The following BSDC1 variants were observed in gnomAD, a reference collection of about 807,000 sequenced individuals.
The protein encoded by BSDC1 is BSD domain-containing protein 1.
BSDC1 carries 29 observed loss-of-function variants against 56.0 expected under a neutral mutation model. That is an observed-to-expected ratio of 0.52 (90% CI 0.39 to 0.71). BSDC1 has a LOEUF of 0.71. BSDC1 is among the 30% of genes least tolerant of loss of function. The probability of loss-of-function intolerance (pLI) is 0.00; values close to 1 mark genes in which losing one functional copy is unlikely to be tolerated. For missense variants in BSDC1, 477 were observed against 548.5 expected (o/e 0.87, Z 1.30); for synonymous variants, 210 against 215.3 (o/e 0.98, Z 0.21).
chr1:32,381,402 G>T, intron 4 of BSDC1, 134 bp from the exon 5 acceptor site: 1 of 850,066 alleles, frequency 1.2e-6, no homozygotes, highest in Non-Finnish European at 1.9e-6. Context: ...CAGGGCATCT[G>T]TTAATTAGCA....
In BSDC1 at chr1:32,378,828, A is replaced by G. The variant is rs1358058363; in HGVS notation, c.424T>C (p.Leu142=). Residue 142 remains leucine, a synonymous_variant, in exon 6 of 11, where the codon TTG becomes CTG. Transcript: ENST00000455895. This position sits in a 1 kb window ranked among gnomAD's most constrained non-coding sequence, Gnocchi z 5.2. ...YCNEPDGPPE[L]FDAWLSQFCL... Reference sequence around the variant, plus strand: ...AACTGGGAAAGCCAGGCGTCAAACAATTCCGGGGGCCCTGCAGAGGGACAG... The same window carrying G: ...AACTGGGAAAGCCAGGCGTCAAACAGTTCCGGGGGCCCTGCAGAGGGACAG... 6.6e-7 allele frequency: 1 copy of G among 1,521,436 alleles called. No individual in the cohort carries two copies. Among genetic ancestry groups the G allele is most frequent in the Non-Finnish European group, 8.8e-7 (1 of 1,132,830 alleles). 94.2% of individuals were successfully genotyped at this position (1,521,436 alleles called of 1,614,324 possible). A position where few individuals can be genotyped will look rare whatever the true frequency, so the allele number is the denominator to read the frequency against.
chr1:32,366,527 T>G lies in BSDC1; in HGVS notation c.*95A>C. 5 of 1,204,666 alleles carry G rather than the reference T, an allele frequency of 4.2e-6. No individual in the cohort carries two copies. Among genetic ancestry groups the G allele is most frequent in the Non-Finnish European group, 6.0e-6 (5 of 830,438 alleles). The allele number at this position is 1,204,666 out of a possible 1,614,324, so 74.6% of individuals were successfully genotyped here. On this transcript the variant is annotated 3_prime_UTR_variant, in exon 11 of 11. Coordinates refer to ENST00000455895, the MANE Select transcript of BSDC1 (RefSeq NM_018045.8). ...CCAGAGCTCTGGTTGGCAGAGGAGA[T>G]TTGGGGGAACATTCTCAGTCTTCCA...
Position 32,376,373 on chromosome 1 carries a change from T to C in BSDC1, c.1045A>G (p.Arg349Gly). 6.2e-7 allele frequency: 1 copy of C among 1,613,728 alleles called. No homozygotes were observed. The highest frequency in any genetic ancestry group is 8.5e-7 in the Non-Finnish European group (1 of 1,179,694). Residue 349 changes from arginine to glycine, a missense_variant, in exon 9 of 11, where the codon AGG (arginine) becomes GGG (glycine). Transcript: ENST00000455895. ...AGAGTCTCTACTCTGGCTGGAGGCC[T>C]GGGCTCTGGGCCGCCGGTGTGGCCA... ...PAGHTGGPEP[R>G]PPARVETLRE...
chr1:32,388,192 C>T (rs1166934895), intron 2 of BSDC1, among the ~76,000 whole-genome samples: 1 of 152,082 alleles, frequency 6.6e-6, no homozygotes, highest in African/African-American at 2.4e-5. Flanking sequence ...TTTTTGAGCG[C>T]TCCTGTGGTT....
Position 32,366,215 on chromosome 1 carries a change from G to C in BSDC1, c.*407C>G. 1 of 348,620 alleles carries C rather than the reference G, an allele frequency of 2.9e-6. No homozygotes were observed. The highest frequency in any genetic ancestry group is 5.6e-6 in the Non-Finnish European group (1 of 179,034). 21.6% of individuals were successfully genotyped at this position (348,620 alleles called of 1,614,324 possible). A position where few individuals can be genotyped will look rare whatever the true frequency, so the allele number is the denominator to read the frequency against. The stretch of plus-strand genomic sequence containing the variant: ...CTCCCTGCCTGCTTATGTATGGACA[G>C]AGTATGTTGTCTCAGCTTCCTCCGA... On this transcript the variant is annotated 3_prime_UTR_variant, in exon 11 of 11. Transcript: ENST00000455895.
At position 32,392,495 on chromosome 1, in the gene BSDC1, T is replaced by C. The variant is rs909732378; in HGVS notation, c.72+1585A>G. ...GAATTCCAAGAATGAAGACGGAAGG[T>C]TGGCCAACTATCTATTTTTCATAAG... On this transcript the variant is annotated intron_variant, in intron 2 of 10. Coordinates refer to ENST00000455895, the MANE Select transcript of BSDC1 (RefSeq NM_018045.8). Among the ~76,000 whole-genome samples, 7 of 150,158 alleles carry C rather than the reference T, an allele frequency of 4.7e-5. No homozygotes were observed. The East Asian group carries it at 1.4e-3, about 29-fold the overall frequency.
chr1:32,367,620 T>C, intron 10 of BSDC1: 1 of 985,510 alleles, frequency 1.0e-6, no homozygotes, highest in African/African-American at 1.7e-5. Flanking sequence ...GCCTCAGTCC[T>C]GTCACTTATT....
At chr1:32,374,337 C>CA (rs1642200674) in intron 9 of BSDC1, among the ~76,000 whole-genome samples, 1 of 152,182 alleles carries the variant, frequency 6.6e-6, no homozygotes, top group South Asian at 2.1e-4. Flanking sequence ...TATGGAGGAG[C>CA]AAACAAAGGC....
chr1:32,371,562 G>A (rs940079997), intron 9 of BSDC1, among the ~76,000 whole-genome samples: 8 of 151,814 alleles, frequency 5.3e-5, no homozygotes, highest in Admixed American at 1.3e-4. Flanking sequence ...TGCCCGCCTC[G>A]GCTTCCCAAA....
At position 32,369,535 on chromosome 1, in the gene BSDC1, C is replaced by A. The variant is rs551690619; in HGVS notation, c.1157-985G>T. Among the ~76,000 whole-genome samples the A allele has an allele frequency of 3.3e-5, 5 of 152,172 alleles. No individual in the cohort carries two copies. In the South Asian group the frequency reaches 6.2e-4, roughly 19 times the overall value. On this transcript the variant is annotated intron_variant, in intron 9 of 10. Coordinates refer to ENST00000455895, the MANE Select transcript of BSDC1 (RefSeq NM_018045.8). ...AAGAAAACAAAAACCTCCCCTCGGA[C>A]CCCCAAACAGTAGACCTCTTCTTCC...
intron 2 of BSDC1, chr1:32,393,633 C>T (rs1047627845): frequency 1.2e-5 from 2 of 166,344 alleles, no homozygotes; most frequent in African/African-American, 4.8e-5. Flanking sequence ...TTGTAAGGCC[C>T]AGGATTACAT....
rs778500629 is a variant in BSDC1, at chr1:32,394,098, G to A, written c.54C>T (p.Tyr18=). ...GGCTTACCTTCTCTTTGACTGCTTGGTAGCTCTGCTGCAGCCAGCTCCGCC... is the reference window on the plus strand; with the variant it reads ...GGCTTACCTTCTCTTTGACTGCTTGATAGCTCTGCTGCAGCCAGCTCCGCC... ...GWWRSWLQQS[Y]QAVKEKSSEA... Residue 18 remains tyrosine, a synonymous_variant, in exon 2 of 11, where the codon TAC becomes TAT. Coordinates refer to ENST00000455895, the MANE Select transcript of BSDC1 (RefSeq NM_018045.8). 6.2e-7 allele frequency: 1 copy of A among 1,610,276 alleles called. No homozygotes were observed. The highest frequency in any genetic ancestry group is 8.5e-7 in the Non-Finnish European group (1 of 1,178,526).
chr1:32,373,387 AC>A (rs1389400093), intron 9 of BSDC1, among the ~76,000 whole-genome samples: 2 of 152,052 alleles, frequency 1.3e-5, no homozygotes, highest in South Asian at 2.1e-4. Flanking sequence ...TTTTCTGATC[AC>A]CCTTTGTAGC....
intron 9 of BSDC1, among the ~76,000 whole-genome samples, chr1:32,371,617 T>C (rs927852800): frequency 6.8e-6 from 1 of 147,392 alleles, no homozygotes; most frequent in Non-Finnish European, 1.5e-5. Flanking sequence ...GCCTGTAGTC[T>C]TTTTTTTTAA....
chr1:32,379,696 T>A (rs1378914747), intron 5 of BSDC1, among the ~76,000 whole-genome samples: 1 of 152,196 alleles, frequency 6.6e-6, no homozygotes, highest in Non-Finnish European at 1.5e-5. Flanking sequence ...GCCCAAGTGA[T>A]CCTCCTGCCT....
intron 9 of BSDC1, chr1:32,369,180 T>G: frequency 9.9e-7 from 1 of 1,007,584 alleles, no homozygotes; most frequent in Non-Finnish European, 1.4e-6. Context: ...TGTTAGAGGT[T>G]AGGCTGGAGA....
At chr1:32,380,196 G>A (rs570265270) in intron 5 of BSDC1, among the ~76,000 whole-genome samples, 69 of 152,270 alleles carry the variant, frequency 4.5e-4, no homozygotes, top group African/African-American at 1.5e-3. Context: ...TGGCTCCCAC[G>A]AGCTGCTCTC....
rs1369772768 is a variant in BSDC1 at position 32,364,907 on chromosome 1, C to G, written c.*1715G>C. Among the ~76,000 whole-genome samples, 2 of 152,358 alleles carry G rather than the reference C, an allele frequency of 1.3e-5. No individual in the cohort carries two copies. Among genetic ancestry groups the G allele is most frequent in the Admixed American group, 1.3e-4 (2 of 15,308 alleles). On this transcript the variant is annotated 3_prime_UTR_variant, in exon 11 of 11. Coordinates refer to ENST00000455895, the MANE Select transcript of BSDC1 (RefSeq NM_018045.8). ...GAGTGCAGAGATGGCCTCCCGACTC[C>G]TTGTCCCAGTGAGAGGCCTGTTGCG...
rs536704300 is a variant in BSDC1, at chr1:32,366,173, G to C, written c.*449C>G. The C allele has an allele frequency of 1.5e-4, 35 of 232,506 alleles. No individual in the cohort carries two copies. In the East Asian group the frequency reaches 3.6e-3, roughly 24 times the overall value. 14.4% of individuals were successfully genotyped at this position (232,506 alleles called of 1,614,324 possible). On this transcript the variant is annotated 3_prime_UTR_variant, in exon 11 of 11. Transcript: ENST00000455895. ...GTGTTCACTGTCCCTGTTTAGCCAAGGGTAGGTGGCATGGCCCTCCCTGCC... is the reference window on the plus strand; with the variant it reads ...GTGTTCACTGTCCCTGTTTAGCCAACGGTAGGTGGCATGGCCCTCCCTGCC...
Sources: allele counts gnomAD v4.1 joint callset (sites outside exome capture counted in the v4.1 genomes callset), GRCh38; gene constraint gnomAD v4.1.1; non-coding constraint Gnocchi (gnomAD v3.1); transcripts MANE v1.5; gene names NCBI Gene and HGNC (gene_info 2026-07-23, HGNC 2026-07-21).